Variants in PKP4 observed in about 807,000 individuals in gnomAD.
The protein encoded by PKP4 is plakophilin-4.
A neutral mutation model predicts 145.1 loss-of-function variants in PKP4; 90 were observed. The ratio of observed to expected loss-of-function variants is 0.62; its 90% confidence interval spans 0.52 to 0.74. The LOEUF is 0.74. Ranked by LOEUF, PKP4 falls within the 30% of genes least tolerant of loss-of-function variation. The pLI, the probability that PKP4 is intolerant of heterozygous loss-of-function variation, is 0.00. For missense variants in PKP4, 1,340 were observed against 1,482.7 expected (o/e 0.90, Z 1.58); for synonymous variants, 563 against 577.2 (o/e 0.98, Z 0.35).
chr2:158,558,962 C>G (rs1368558577), intron 2 of PKP4, among the ~76,000 whole-genome samples: 1 of 152,158 alleles, frequency 6.6e-6, no homozygotes, highest in Non-Finnish European at 1.5e-5. Flanking sequence ...TTGGAAAAAG[C>G]TGGCCACAGC....
chr2:158,475,340 CT>C (rs375172227), intron 1 of PKP4, among the ~76,000 whole-genome samples: 153 of 151,496 alleles, frequency 1.0e-3, no homozygotes, highest in Non-Finnish European at 1.7e-3. Flanking sequence ...CTGATTCATT[CT>C]TTTTTTTTGT....
intron 4 of PKP4, among the ~76,000 whole-genome samples, chr2:158,617,377 C>T (rs919636058): frequency 6.6e-6 from 1 of 151,962 alleles, no homozygotes; most frequent in Non-Finnish European, 1.5e-5. Flanking sequence ...AAAGAAGTAA[C>T]ATTCACATGC....
At chr2:158,492,783 G>A (rs1695136175) in intron 1 of PKP4, among the ~76,000 whole-genome samples, 1 of 152,108 alleles carries the variant, frequency 6.6e-6, no homozygotes, top group African/African-American at 2.4e-5. Flanking sequence ...TCTTCTTACA[G>A]AAGTGTTATA....
At chr2:158,588,810 A>G (rs2049017970) in intron 3 of PKP4, 1 of 151,922 alleles carries the variant, frequency 6.6e-6, no homozygotes, top group Non-Finnish European at 1.5e-5. Context: ...GTGACTCTGC[A>G]TTTATTTTTT....
chr2:158,468,575 C>G (rs1691021714), intron 1 of PKP4, among the ~76,000 whole-genome samples: 1 of 151,786 alleles, frequency 6.6e-6, no homozygotes, highest in Admixed American at 6.6e-5. Flanking sequence ...AGGTAATATT[C>G]TTGCAAAAAA....
At chr2:158,608,727 C>T (rs1194365784) in intron 4 of PKP4, among the ~76,000 whole-genome samples, 1 of 151,332 alleles carries the variant, frequency 6.6e-6, no homozygotes, top group Non-Finnish European at 1.5e-5. Context: ...TAAATTGTAA[C>T]CATGGCAATA....
chr2:158,555,846 A>C (rs2046042523), intron 2 of PKP4, among the ~76,000 whole-genome samples: 2 of 152,186 alleles, frequency 1.3e-5, no homozygotes, highest in Admixed American at 1.3e-4. Flanking sequence ...TTGTTCTCAA[A>C]ATACCATCCC....
At chr2:158,584,092 C>T (rs937635693) in intron 3 of PKP4, among the ~76,000 whole-genome samples, 6 of 152,184 alleles carry the variant, frequency 3.9e-5, no homozygotes, top group Admixed American at 2.6e-4. Context: ...TCCCAGCGCA[C>T]GTCCAAGTGG....
At chr2:158,660,354 G>A (rs2056445230) in intron 12 of PKP4, 1 of 152,678 alleles carries the variant, frequency 6.5e-6, no homozygotes, top group Non-Finnish European at 1.5e-5. Context: ...GGAGCAGAAG[G>A]CACCTTGGAG....
chr2:158,498,066 GA>G (rs1241883487), intron 1 of PKP4, among the ~76,000 whole-genome samples: 1 of 152,188 alleles, frequency 6.6e-6, no homozygotes, highest in Non-Finnish European at 1.5e-5. Context: ...AATTTTTTTA[GA>G]AAAAGGAGAT....
At chr2:158,518,474 T>TA (rs2042102680) in intron 1 of PKP4, among the ~76,000 whole-genome samples, 1 of 152,210 alleles carries the variant, frequency 6.6e-6, no homozygotes, top group Non-Finnish European at 1.5e-5. Flanking sequence ...CACCTGGAGT[T>TA]ACTGTCTACA....
chr2:158,632,203 A>C (rs1468759991), intron 8 of PKP4, among the ~76,000 whole-genome samples: 2 of 152,254 alleles, frequency 1.3e-5, no homozygotes, highest in African/African-American at 4.8e-5. Context: ...GTAAAACTGT[A>C]AATCTGACTC....
intron 1 of PKP4, among the ~76,000 whole-genome samples, chr2:158,529,853 T>G (rs903211216): frequency 5.3e-5 from 8 of 152,204 alleles, no homozygotes; most frequent in African/African-American, 1.7e-4. Context: ...TAATTTTATC[T>G]CCCTCTGCCA....
At chr2:158,674,897 G>T (rs559548500) in intron 19 of PKP4, among the ~76,000 whole-genome samples, 1 of 152,188 alleles carries the variant, frequency 6.6e-6, no homozygotes, top group African/African-American at 2.4e-5. Flanking sequence ...CCAAAAAGAC[G>T]AATATACATG....
At chr2:158,629,208 T>C (rs141779978) in intron 7 of PKP4, among the ~76,000 whole-genome samples, 2 of 152,308 alleles carry the variant, frequency 1.3e-5, no homozygotes, top group East Asian at 3.9e-4. Context: ...GGCCCCCTCC[T>C]TGGTGTGCTT....
chr2:158,629,724 T>C (rs1255755993), intron 7 of PKP4, among the ~76,000 whole-genome samples: 3 of 152,290 alleles, frequency 2.0e-5, no homozygotes, highest in Non-Finnish European at 4.4e-5. Flanking sequence ...AATCTTTTTT[T>C]TTTTGAGACA....
intron 2 of PKP4, among the ~76,000 whole-genome samples, chr2:158,574,202 C>T (rs575190472): frequency 3.8e-4 from 58 of 152,266 alleles, no homozygotes; most frequent in African/African-American, 1.3e-3. Flanking sequence ...TTTCTAAAGT[C>T]GTGTGGTATT....
At chr2:158,501,503 G>C (rs558356486) in intron 1 of PKP4, among the ~76,000 whole-genome samples, 5 of 152,294 alleles carry the variant, frequency 3.3e-5, no homozygotes, top group African/African-American at 1.2e-4. Flanking sequence ...CTCCCTACCT[G>C]AGTTTCTCAT....
chr2:158,676,615 C>CA, intron 19 of PKP4, 124 bp from the exon 20 acceptor site: 2 of 1,163,608 alleles, frequency 1.7e-6, no homozygotes, highest in Non-Finnish European at 2.5e-6. Context: ...GAGATATTTT[C>CA]AGCACCAGCT....
Sources: gnomAD v4.1 joint callset for allele counts (sites outside exome capture counted in the v4.1 genomes callset) on GRCh38, gnomAD v4.1.1 for gene constraint, MANE v1.5 for transcripts, NCBI Gene and HGNC (gene_info 2026-07-23, HGNC 2026-07-21) for gene names.